The following PDZRN4 variants were observed in gnomAD, a reference collection of about 807,000 sequenced individuals.
The protein encoded by PDZRN4 is PDZ domain containing ring finger 4, also known as PDZ domain-containing RING finger protein 4.
In PDZRN4, 70 loss-of-function variants were observed where a neutral mutation model predicts 99.0. The observed-to-expected ratio is 0.71, with a 90% CI of 0.58 to 0.86. PDZRN4 has a LOEUF of 0.86. PDZRN4 is among the 40% of genes least tolerant of loss of function. PDZRN4 has a pLI of 0.00. For synonymous variants in PDZRN4, 551 were observed against 501.6 expected, an observed-to-expected ratio of 1.10 and a Z score of -1.32; for missense variants, 1,474 against 1,331.2, an observed-to-expected ratio of 1.11 and a Z score of -1.67.
chr12:41,433,322 A>G (rs1952600631), intron 3 of PDZRN4, among the ~76,000 whole-genome samples: 1 of 152,150 alleles, frequency 6.6e-6, no homozygotes, highest in South Asian at 2.1e-4. Flanking sequence ...GAATTCCACC[A>G]CAGAATTTGT....
chr12:41,469,504 G>A lies in PDZRN4; in HGVS notation c.844-36952G>A, dbSNP rs1265208145. Reference sequence around the variant, plus strand: ...GTGTTCCTTCTACTACGTAGATTCTGTCAAAGTTTTTGAGGTTTTCTTTTA... The same window carrying A: ...GTGTTCCTTCTACTACGTAGATTCTATCAAAGTTTTTGAGGTTTTCTTTTA... On this transcript the variant is annotated intron_variant, in intron 3 of 9. Coordinates refer to ENST00000402685, the MANE Select transcript of PDZRN4 (RefSeq NM_001164595.2). Among the ~76,000 whole-genome samples, 4 of 152,180 alleles carry A rather than the reference G, an allele frequency of 2.6e-5. No homozygotes were observed. In the East Asian group the frequency reaches 7.7e-4, roughly 29 times the overall value.
intron 3 of PDZRN4, among the ~76,000 whole-genome samples, chr12:41,402,354 CAG>C (rs528591689): frequency 0.92 from 11 of 12 alleles, 5 homozygotes; most frequent in Admixed American, 1. Flanking sequence ...TATATACACA[CAG>C]TGTGTATATA....
At chr12:41,326,873 T>C (rs1268717521) in intron 3 of PDZRN4, among the ~76,000 whole-genome samples, 1 of 152,088 alleles carries the variant, frequency 6.6e-6, no homozygotes, top group Admixed American at 6.6e-5. Flanking sequence ...ATATAACAGG[T>C]TATCCCGGTG....
chr12:41,571,023 T>G (rs1043600549), intron 9 of PDZRN4, among the ~76,000 whole-genome samples: 1 of 152,136 alleles, frequency 6.6e-6, no homozygotes, highest in African/African-American at 2.4e-5. Context: ...TTAGACTTCT[T>G]TTAGAATATC....
At chr12:41,557,144 C>T (rs766895829) in intron 7 of PDZRN4, among the ~76,000 whole-genome samples, 120 of 109,914 alleles carry the variant, frequency 1.1e-3, no homozygotes, top group Non-Finnish European at 1.7e-3. Context: ...GAGTGAGACA[C>T]TCTCAAAAAA....
intron 5 of PDZRN4, among the ~76,000 whole-genome samples, chr12:41,514,168 T>C (rs1249053264): frequency 6.6e-6 from 1 of 152,086 alleles, no homozygotes; most frequent in African/African-American, 2.4e-5. Flanking sequence ...TCTATGTACA[T>C]GTTAACCGAA....
At chr12:41,446,893 A>G (rs1302712988) in intron 3 of PDZRN4, among the ~76,000 whole-genome samples, 1 of 147,788 alleles carries the variant, frequency 6.8e-6, no homozygotes, top group Non-Finnish European at 1.5e-5. Flanking sequence ...ATTGCATACC[A>G]TTTAGTCAAA....
At chr12:41,226,436 C>G (rs1241479922) in intron 3 of PDZRN4, among the ~76,000 whole-genome samples, 1 of 151,804 alleles carries the variant, frequency 6.6e-6, no homozygotes, top group Non-Finnish European at 1.5e-5. Flanking sequence ...GCAAAGAACT[C>G]CAGAGCCCAG....
chr12:41,311,528 T>C (rs1592007303), intron 3 of PDZRN4, among the ~76,000 whole-genome samples: 2 of 152,186 alleles, frequency 1.3e-5, no homozygotes, highest in African/African-American at 4.8e-5. Context: ...CTGCATTCAA[T>C]AATGTTAAGA....
At chr12:41,329,870 A>T (rs1288096376) in intron 3 of PDZRN4, among the ~76,000 whole-genome samples, 1 of 152,110 alleles carries the variant, frequency 6.6e-6, no homozygotes, top group Non-Finnish European at 1.5e-5. Flanking sequence ...GTTTTTACTC[A>T]AGTTGATCAG....
Position 41,572,691 on chromosome 12 carries a change from C to G in PDZRN4, c.1912C>G (p.Arg638Gly). 6.2e-7 allele frequency: 1 copy of G among 1,614,000 alleles called. No individual in the cohort carries two copies. Among genetic ancestry groups the G allele is most frequent in the Non-Finnish European group, 8.5e-7 (1 of 1,179,996 alleles). The change falls in exon 10 of 10, where the codon CGA becomes GGA. Residue 638 changes from arginine to glycine, a missense_variant. Physicochemically the swap from Arg to Gly is moderately radical, Grantham distance 125. Transcript: ENST00000402685. ...RQLLELKCKI[R>G]NHGEYDLYYS... The stretch of plus-strand genomic sequence containing the variant: ...GCTCTTGGAGCTCAAATGCAAGATT[C>G]GAAATCATGGAGAGTATGACCTGTA...
intron 3 of PDZRN4, among the ~76,000 whole-genome samples, chr12:41,212,507 C>G (rs537661801): frequency 6.6e-6 from 1 of 151,966 alleles, no homozygotes; most frequent in Non-Finnish European, 1.5e-5. Flanking sequence ...TTGATAACTT[C>G]TGTGAAGAGT....
rs573414795 is a variant in PDZRN4, at chr12:41,460,242, C to T, written c.844-46214C>T. 6.4e-4 allele frequency among the ~76,000 whole-genome samples: 97 copies of T among 152,232 alleles called. 2 individuals are homozygous for T. The highest frequency in any genetic ancestry group is 2.2e-3 in the African/African-American group (92 of 41,542). ...GGTTTTAGGAATAGGCAAAGTTATG[C>T]ACTTGCTACTTTCTTACAATATTGC... On this transcript the variant is annotated intron_variant, in intron 3 of 9. Coordinates refer to ENST00000402685, the MANE Select transcript of PDZRN4 (RefSeq NM_001164595.2).
intron 1 of PDZRN4, among the ~76,000 whole-genome samples, chr12:41,189,736 C>T (rs1403280713): frequency 2.6e-5 from 4 of 152,118 alleles, no homozygotes; most frequent in Middle Eastern, 3.2e-3. Context: ...TCTGACTTTC[C>T]CTAAATAAGC....
intron 3 of PDZRN4, among the ~76,000 whole-genome samples, chr12:41,353,115 G>A (rs753695573): frequency 5.3e-5 from 8 of 152,128 alleles, no homozygotes; most frequent in South Asian, 2.1e-4. Context: ...CTATTTGTTG[G>A]TGATATACCA....
intron 3 of PDZRN4, among the ~76,000 whole-genome samples, chr12:41,426,980 A>G (rs1952542216): frequency 6.6e-6 from 1 of 152,178 alleles, no homozygotes; most frequent in South Asian, 2.1e-4. Context: ...TGATTCCTAC[A>G]CACACCCCTA....
At chr12:41,198,792 C>T (rs937883885) in intron 3 of PDZRN4, among the ~76,000 whole-genome samples, 1 of 151,960 alleles carries the variant, frequency 6.6e-6, no homozygotes, top group Admixed American at 6.6e-5. Context: ...AAATAGTTCC[C>T]ACATTGAAGT....
intron 3 of PDZRN4, among the ~76,000 whole-genome samples, chr12:41,487,481 C>T (rs549467857): frequency 6.2e-4 from 94 of 152,192 alleles, no homozygotes; most frequent in Non-Finnish European, 1.1e-3. Context: ...CTACTGTAAC[C>T]AGCTCTAAAT....
In PDZRN4 at chr12:41,511,274, G is replaced by A. The variant is rs147252256; in HGVS notation, c.1203+1361G>A. On this transcript the variant is annotated intron_variant, in intron 5 of 9. Coordinates refer to ENST00000402685, the MANE Select transcript of PDZRN4 (RefSeq NM_001164595.2). The stretch of plus-strand genomic sequence containing the variant: ...AGTTAACAGTAAAAGCCCTTTAAAT[G>A]AATCAGCATGTCATTGAAATATTAC... 5.2e-3 allele frequency among the ~76,000 whole-genome samples: 793 copies of A among 152,004 alleles called. 9 individuals carry two copies. Among genetic ancestry groups the A allele is most frequent in the African/African-American group, 0.018 (754 of 41,490 alleles).
Sources: gnomAD v4.1 joint callset for allele counts (sites outside exome capture counted in the v4.1 genomes callset) on GRCh38, gnomAD v4.1.1 for gene constraint, MANE v1.5 for transcripts, NCBI Gene and HGNC (gene_info 2026-07-23, HGNC 2026-07-21) for gene names.